The following SV2C variants were observed in gnomAD, a reference collection of about 807,000 sequenced individuals.
SV2C encodes the protein solute carrier family 22 member B3.
A neutral mutation model predicts 79.7 loss-of-function variants in SV2C; 49 were observed. That is an observed-to-expected ratio of 0.61 (90% CI 0.49 to 0.78). SV2C has a LOEUF of 0.78. Ranked by LOEUF, SV2C falls within the 30% of genes least tolerant of loss-of-function variation. SV2C has a pLI of 0.00. For missense variants in SV2C, 833 were observed against 912.9 expected, an observed-to-expected ratio of 0.91 and a Z score of 1.13; for synonymous variants, 334 against 333.2, an observed-to-expected ratio of 1.00 and a Z score of -0.03.
At chr5:76,086,606 T>G (rs1484930674) in intron 1 of SV2C, among the ~76,000 whole-genome samples, 1 of 148,870 alleles carries the variant, frequency 6.7e-6, no homozygotes, top group Non-Finnish European at 1.5e-5. Flanking sequence ...TTCAATGAAG[T>G]CTGTTTGTAA....
the SV2C span, among the ~76,000 whole-genome samples, chr5:75,977,284 A>G: frequency 6.6e-6 from 1 of 152,130 alleles, no homozygotes; most frequent in Non-Finnish European, 1.5e-5. Context: ...ATTTACAGCA[A>G]TCAATCAGAA....
intron 2 of SV2C, among the ~76,000 whole-genome samples, chr5:76,179,539 G>A (rs1017360455): frequency 1.3e-5 from 2 of 152,192 alleles, no homozygotes; most frequent in African/African-American, 4.8e-5. Flanking sequence ...CAGCTACTAA[G>A]TAACAGCTTC....
chr5:76,318,583 C>A (rs767680122), intron 12 of SV2C, among the ~76,000 whole-genome samples: 1 of 152,176 alleles, frequency 6.6e-6, no homozygotes, highest in Non-Finnish European at 1.5e-5. Flanking sequence ...TATACCAGCA[C>A]ATGTGTCTCA....
At chr5:75,942,966 C>A in the SV2C span, among the ~76,000 whole-genome samples, 1 of 152,214 alleles carries the variant, frequency 6.6e-6, no homozygotes, top group East Asian at 1.9e-4. Context: ...AAGCTGGAGA[C>A]CAGCCTGAGC....
the SV2C span, chr5:75,911,195 A>G: frequency 3.8e-6 from 6 of 1,594,826 alleles, no homozygotes; most frequent in South Asian, 6.6e-5. Flanking sequence ...CCAGCCTGCA[A>G]TGGCCCTGCC....
the SV2C span, among the ~76,000 whole-genome samples, chr5:75,887,854 G>A: frequency 6.6e-6 from 1 of 152,138 alleles, no homozygotes; most frequent in African/African-American, 2.4e-5. Context: ...ACTTAGTGTA[G>A]GAGCAGATCT....
the SV2C span, among the ~76,000 whole-genome samples, chr5:75,926,704 G>A: frequency 3.3e-5 from 5 of 152,198 alleles, no homozygotes; most frequent in Non-Finnish European, 7.3e-5. Context: ...GGGCCAGACT[G>A]TGCATATGAT....
At chr5:76,144,918 A>G (rs1348711812) in intron 2 of SV2C, among the ~76,000 whole-genome samples, 1 of 152,192 alleles carries the variant, frequency 6.6e-6, no homozygotes, top group African/African-American at 2.4e-5. Context: ...TTTTGAGTTT[A>G]TAAGTACACT....
the SV2C span, among the ~76,000 whole-genome samples, chr5:76,035,614 A>C: frequency 2.3e-5 from 1 of 44,382 alleles, no homozygotes; most frequent in Admixed American, 2.5e-4. Flanking sequence ...GATCTGAGAG[A>C]TAGTTTTAAT....
the SV2C span, among the ~76,000 whole-genome samples, chr5:75,883,283 C>T: frequency 4.4e-5 from 6 of 136,058 alleles, no homozygotes; most frequent in East Asian, 2.0e-4. Context: ...GTCAGTGTGG[C>T]GATTCCTCAG....
At chr5:75,878,693 TTACACATAAA>T in the SV2C span, among the ~76,000 whole-genome samples, 1 of 152,158 alleles carries the variant, frequency 6.6e-6, no homozygotes, top group Admixed American at 6.6e-5. Flanking sequence ...TGAGGAGCTA[TTACACATAAA>T]TACATACCCT....
At chr5:76,182,919 G>C (rs925280433) in intron 2 of SV2C, among the ~76,000 whole-genome samples, 3 of 101,882 alleles carry the variant, frequency 2.9e-5, no homozygotes, top group Non-Finnish European at 6.5e-5. Flanking sequence ...GAGAGAGAGA[G>C]TGTGTGTGTG....
chr5:75,924,228 G>A, the SV2C span, among the ~76,000 whole-genome samples: 1 of 152,012 alleles, frequency 6.6e-6, no homozygotes, highest in Non-Finnish European at 1.5e-5. Flanking sequence ...AGGCATAAGA[G>A]TGATATACTG....
intron 4 of SV2C, among the ~76,000 whole-genome samples, chr5:76,241,113 C>T (rs1157902872): frequency 6.6e-6 from 1 of 152,008 alleles, no homozygotes; most frequent in African/African-American, 2.4e-5. Flanking sequence ...CACGCCACCA[C>T]ACCCAGCTAA....
At chr5:76,322,665 C>T (rs1748868417) in intron 12 of SV2C, among the ~76,000 whole-genome samples, 1 of 152,202 alleles carries the variant, frequency 6.6e-6, no homozygotes, top group Non-Finnish European at 1.5e-5. Flanking sequence ...ACCAAAACAG[C>T]ATGGTACTGG....
At chr5:76,106,849 T>C (rs1747934657) in intron 1 of SV2C, among the ~76,000 whole-genome samples, 2 of 152,194 alleles carry the variant, frequency 1.3e-5, no homozygotes, top group African/African-American at 2.4e-5. Context: ...AATAAACATG[T>C]GGCTAATTTT....
At chr5:76,147,753 G>T (rs1017554640) in intron 2 of SV2C, among the ~76,000 whole-genome samples, 2 of 151,948 alleles carry the variant, frequency 1.3e-5, no homozygotes, top group Middle Eastern at 3.2e-3. Flanking sequence ...TAACTTTTTT[G>T]ACAAGATATT....
At chr5:75,902,780 A>G in the SV2C span, among the ~76,000 whole-genome samples, 1 of 152,230 alleles carries the variant, frequency 6.6e-6, no homozygotes, top group African/African-American at 2.4e-5. Flanking sequence ...TTGATCAACT[A>G]AAATAGGGCT....
rs369106558 is a variant in SV2C at position 76,325,350 on chromosome 5, T to G, written c.2001-14T>G. 1 of 1,613,804 alleles carries G rather than the reference T, an allele frequency of 6.2e-7. No individual in the cohort carries two copies. The highest frequency in any genetic ancestry group is 8.5e-7 in the Non-Finnish European group (1 of 1,179,804). ...GCATTTTCTCAACCTTGTTCATGTC[T>G]CTTTCCTTTGCAGGGCAACAGGCTT... On this transcript the variant is annotated splice_polypyrimidine_tract_variant and intron_variant, in intron 12 of 12. Transcript: ENST00000502798.
Sources: allele counts gnomAD v4.1 joint callset (sites outside exome capture counted in the v4.1 genomes callset), GRCh38; gene constraint gnomAD v4.1.1; transcripts MANE v1.5; gene names NCBI Gene and HGNC (gene_info 2026-07-23, HGNC 2026-07-21).